Variants in NELFB observed in about 807,000 individuals in gnomAD.
NELFB encodes negative elongation factor complex member B.
A neutral mutation model predicts 60.2 loss-of-function variants in NELFB; 34 were observed. That is an observed-to-expected ratio of 0.56 (90% CI 0.43 to 0.75). The LOEUF (loss-of-function observed/expected upper bound fraction) is 0.75, where lower values mean the gene tolerates loss of function less well. NELFB is among the 30% of genes least tolerant of loss of function. NELFB has a pLI of 0.00. For missense variants in NELFB, 770 were observed against 831.6 expected, an observed-to-expected ratio of 0.93 and a Z score of 0.91; for synonymous variants, 459 against 382.1, an observed-to-expected ratio of 1.20 and a Z score of -2.35.
chr9:137,256,391 A>G lies in NELFB; in HGVS notation c.473A>G (p.Gln158Arg). ...TCTCTGGTGAAGATGCCGTCCCTGC[A>G]GCCCGTGGTGATGTGCGTCATGAAG... Residue 158 changes from glutamine (Q) to arginine (R), a missense_variant, in exon 3 of 13, where the codon CAG (glutamine) becomes CGG (arginine). Physicochemically the swap from Gln to Arg is conservative, Grantham distance 43. Transcript: ENST00000343053. 1 of 1,614,058 alleles carries G rather than the reference A, an allele frequency of 6.2e-7. No homozygotes were observed. The highest frequency in any genetic ancestry group is 1.1e-5 in the South Asian group (1 of 91,084).
chr9:137,272,965 C>T lies in NELFB; in HGVS notation c.*37C>T, dbSNP rs574866352. On this transcript the variant is annotated 3_prime_UTR_variant, in exon 13 of 13. Coordinates refer to ENST00000343053, the MANE Select transcript of NELFB (RefSeq NM_015456.5). ...ACCTGCTCGGGTGCTGGGGCCATGC[C>T]GAGTCGCGGCCCTGCTCAGCCGGAA... The T allele has an allele frequency of 1.4e-4, 205 of 1,472,804 alleles. No homozygotes were observed. The African/African-American group carries it at 1.8e-3, about 13-fold the overall frequency. The allele number at this position is 1,472,804 out of a possible 1,614,324, so 91.2% of individuals were successfully genotyped here.
chr9:137,260,457 A>ATT (rs141243622), intron 4 of NELFB, among the ~76,000 whole-genome samples: 6 of 126,622 alleles, frequency 4.7e-5, no homozygotes, highest in African/African-American at 1.8e-4. Flanking sequence ...AGTTTGTTTT[A>ATT]TTTTTTTTTT....
chr9:137,264,997 C>G (rs1462593882), intron 6 of NELFB, among the ~76,000 whole-genome samples: 1 of 150,402 alleles, frequency 6.6e-6, no homozygotes, highest in Non-Finnish European at 1.5e-5. Context: ...AGACACAGTG[C>G]TGCCTGGCCC....
rs1332806071 is a variant in NELFB, at chr9:137,266,350, T to C, written c.1163T>C (p.Leu388Pro). The C allele has an allele frequency of 1.2e-6, 2 of 1,612,826 alleles. No homozygotes were observed. Among genetic ancestry groups the C allele is most frequent in the African/African-American group, 2.7e-5 (2 of 74,948 alleles). Residue 388 changes from leucine to proline, a missense_variant, in exon 8 of 13, where the codon CTG becomes CCG. Physicochemically the swap from Leu to Pro is moderately conservative, Grantham distance 98. Transcript: ENST00000343053. ...CTACAGGACAGCCCCGACCTCCTGC[T>C]GCTGCTCCGGCTGCTGGCGCTGGGC...
chr9:137,273,133 G>A lies in NELFB; in HGVS notation c.*205G>A. ...CACCATCCATGCAGTGGCTCCCAGG[G>A]CAGAGCCTCTCCTTGTACTTTGGCA... On this transcript the variant is annotated 3_prime_UTR_variant, in exon 13 of 13. Transcript: ENST00000343053. The A allele has an allele frequency of 2.0e-6, 1 of 497,728 alleles. No homozygotes were observed. The highest frequency in any genetic ancestry group is 3.5e-6 in the Non-Finnish European group (1 of 287,098). 30.8% of individuals were successfully genotyped at this position (497,728 alleles called of 1,614,324 possible).
intron 8 of NELFB, 53 bp from the exon 9 acceptor site, chr9:137,266,891 G>A (rs554405976): frequency 3.1e-6 from 5 of 1,599,394 alleles, no homozygotes; most frequent in Non-Finnish European, 4.3e-6. Context: ...ACGTCAGGGT[G>A]GGGTGGGGCA....
At chr9:137,271,761 C>T in intron 10 of NELFB, among the ~76,000 whole-genome samples, 1 of 151,968 alleles carries the variant, frequency 6.6e-6, no homozygotes, top group East Asian at 1.9e-4. Flanking sequence ...TCTCCTTCTT[C>T]CTCCACCCTC....
chr9:137,266,041 G>A, intron 7 of NELFB, 62 bp downstream of exon 7: 2 of 1,322,148 alleles, frequency 1.5e-6, no homozygotes, highest in African/African-American at 1.4e-5. Flanking sequence ...GCTGCTCTGG[G>A]TGGTCAGGGT....
chr9:137,267,741 C>G (rs1283730454), intron 10 of NELFB, among the ~76,000 whole-genome samples: 1 of 152,202 alleles, frequency 6.6e-6, no homozygotes, highest in East Asian at 1.9e-4. Context: ...ATCCGCCCGC[C>G]TCGGCCTCCC....
chr9:137,261,657 C>CAA (rs56873736), intron 4 of NELFB, among the ~76,000 whole-genome samples: 37 of 140,262 alleles, frequency 2.6e-4, no homozygotes, highest in African/African-American at 5.1e-4. Flanking sequence ...GACTCCGTCT[C>CAA]AAAAAAAAAA....
intron 4 of NELFB, among the ~76,000 whole-genome samples, chr9:137,261,357 G>GA (rs1830441335): frequency 1.8e-4 from 21 of 119,622 alleles, no homozygotes; most frequent in African/African-American, 2.0e-4. Flanking sequence ...AAAAAAAAAA[G>GA]TAAAAAAAAA....
At chr9:137,256,785 C>A (rs748714715) in intron 3 of NELFB, 39 bp from the exon 4 acceptor site, 1 of 1,596,928 alleles carries the variant, frequency 6.3e-7, no homozygotes, top group South Asian at 1.1e-5. Flanking sequence ...GACCCAGGGA[C>A]ACAGGTGCCA....
At chr9:137,264,152 C>T (rs754842579) in intron 5 of NELFB, 93 bp from the exon 6 acceptor site, 251 of 949,434 alleles carry the variant, frequency 2.6e-4, no homozygotes, top group Non-Finnish European at 3.7e-4. Flanking sequence ...TATGATTGAA[C>T]AAGAGGCCAG....
intron 4 of NELFB, among the ~76,000 whole-genome samples, chr9:137,258,445 G>A (rs1441039237): frequency 6.7e-6 from 1 of 149,584 alleles, no homozygotes; most frequent in Non-Finnish European, 1.5e-5. Context: ...TTTTTAATTA[G>A]CCAATTTTTT....
intron 4 of NELFB, 70 bp from the exon 5 acceptor site, chr9:137,262,967 C>T (rs779963515): frequency 1.2e-5 from 18 of 1,546,190 alleles, no homozygotes; most frequent in Middle Eastern, 3.4e-4. Flanking sequence ...GCGCTGTCGC[C>T]GGGCGTGACG....
rs368492985 is a variant in NELFB at position 137,256,988 on chromosome 9, C to T, written c.675C>T (p.Phe225=). 5.0e-6 allele frequency: 8 copies of T among 1,614,082 alleles called. No individual in the cohort carries two copies. Among genetic ancestry groups the T allele is most frequent in the Admixed American group, 1.7e-5 (1 of 60,036 alleles). Residue 225 remains phenylalanine, a synonymous_variant, in exon 4 of 13, where the codon TTC becomes TTT. Transcript: ENST00000343053. The stretch of plus-strand genomic sequence containing the variant: ...TCCTGGAGAAGGAGAGCGCTCTCTT[C>T]AGTACAGAGCTCTCTGTCCTGCACA...
rs1430770701 is a variant in NELFB, at chr9:137,257,043, C to T, written c.730C>T (p.Arg244Cys). ...TTTCAGTCCTTCCCCCAAGACCAGG[C>T]GCCAGGGCGAGGTGAGGGGACAGGC... Residue 244 changes from arginine to cysteine, a missense_variant, in exon 4 of 13, where the codon CGC becomes TGC. Coordinates refer to ENST00000343053, the MANE Select transcript of NELFB (RefSeq NM_015456.5). 2.5e-6 allele frequency: 4 copies of T among 1,611,162 alleles called. No homozygotes were observed. The highest frequency in any genetic ancestry group is 1.1e-5 in the South Asian group (1 of 91,074).
In NELFB at chr9:137,256,992, A is replaced by C; in HGVS notation, c.679A>C (p.Thr227Pro). 1.2e-6 allele frequency: 2 copies of C among 1,614,044 alleles called. No individual in the cohort carries two copies. The highest frequency in any genetic ancestry group is 1.7e-6 in the Non-Finnish European group (2 of 1,180,020). The change falls in exon 4 of 13, where the codon ACA (threonine) becomes CCA (proline). Residue 227 changes from threonine (T) to proline (P), a missense_variant. Physicochemically the swap from Thr to Pro is conservative, Grantham distance 38. Transcript: ENST00000343053. ...GGAGAAGGAGAGCGCTCTCTTCAGT[A>C]CAGAGCTCTCTGTCCTGCACAACTT...
intron 6 of NELFB, among the ~76,000 whole-genome samples, chr9:137,265,031 CTTTTTTTT>C (rs60479210): frequency 2.6e-4 from 33 of 126,174 alleles, no homozygotes; most frequent in African/African-American, 8.0e-4. Flanking sequence ...TTTTTTCTTC[CTTTTTTTT>C]TTTTTTTTTT....
Sources: gnomAD v4.1 joint callset for allele counts (sites outside exome capture counted in the v4.1 genomes callset) on GRCh38, gnomAD v4.1.1 for gene constraint, MANE v1.5 for transcripts, NCBI Gene and HGNC (gene_info 2026-07-23, HGNC 2026-07-21) for gene names.